The following SKAP1 variants were observed in gnomAD, a reference collection of about 807,000 sequenced individuals.
The protein encoded by SKAP1 is src kinase-associated phosphoprotein 1.
SKAP1 carries 44 observed loss-of-function variants against 58.5 expected under a neutral mutation model. The ratio of observed to expected loss-of-function variants is 0.75; its 90% CI spans 0.59 to 0.97. The LOEUF is 0.97. SKAP1 is among the 50% of genes least tolerant of loss of function. The pLI, the probability that SKAP1 is intolerant of heterozygous loss-of-function variation, is 0.00. For synonymous variants in SKAP1, 127 were observed against 149.7 expected, an observed-to-expected ratio of 0.85 and a Z score of 1.11; for missense variants, 390 against 435.2, an observed-to-expected ratio of 0.90 and a Z score of 0.92.
chr17:48,170,603 T>C lies in SKAP1; in HGVS notation c.877+6A>G, dbSNP rs193238967. On this transcript the variant is annotated splice_donor_region_variant and intron_variant, in intron 10 of 12. Transcript: ENST00000336915. ...CCAGTGCCTGTGCATTTAGAAGCTC[T>C]TATACCTCCTTTTCGTCGAGTGCCA... 2.5e-6 allele frequency: 4 copies of C among 1,612,982 alleles called. No homozygotes were observed. Among genetic ancestry groups the C allele is most frequent in the Non-Finnish European group, 3.4e-6 (4 of 1,178,990 alleles).
chr17:48,172,676 C>T (rs1378213075), intron 9 of SKAP1, among the ~76,000 whole-genome samples: 1 of 152,158 alleles, frequency 6.6e-6, no homozygotes, highest in Non-Finnish European at 1.5e-5. Context: ...ATGACATTTG[C>T]TTGTCTTGCT....
intron 2 of SKAP1, chr17:48,377,433 C>G (rs2067164159): frequency 6.6e-6 from 1 of 151,742 alleles, no homozygotes; most frequent in East Asian, 1.9e-4. Context: ...AAAAAATTAG[C>G]CATGTGTAGT....
At chr17:48,422,224 G>A (rs1194060573) in intron 1 of SKAP1, among the ~76,000 whole-genome samples, 1 of 151,912 alleles carries the variant, frequency 6.6e-6, no homozygotes, top group Non-Finnish European at 1.5e-5. Flanking sequence ...CAAACAAAAA[G>A]CCTCCCATAA....
chr17:48,302,217 T>G (rs1598537270), intron 4 of SKAP1, among the ~76,000 whole-genome samples: 1 of 152,196 alleles, frequency 6.6e-6, no homozygotes, highest in African/African-American at 2.4e-5. Context: ...AGAAAGTGCT[T>G]CAGGTGGCTG....
chr17:48,388,498 C>T (rs1180348913), intron 2 of SKAP1, among the ~76,000 whole-genome samples: 1 of 152,082 alleles, frequency 6.6e-6, no homozygotes, highest in Non-Finnish European at 1.5e-5. Context: ...TTCAACTTTG[C>T]ACAAAAGTTG....
At chr17:48,385,917 G>A (rs749365561) in intron 2 of SKAP1, among the ~76,000 whole-genome samples, 7 of 152,134 alleles carry the variant, frequency 4.6e-5, no homozygotes, top group Admixed American at 3.3e-4. Context: ...GGATGCTGCC[G>A]GCCAAATGTA....
At chr17:48,390,677 T>C (rs2067333253) in intron 2 of SKAP1, among the ~76,000 whole-genome samples, 1 of 152,212 alleles carries the variant, frequency 6.6e-6, no homozygotes, top group South Asian at 2.1e-4. Flanking sequence ...CCTGCCTGTG[T>C]TCTAGCTCAC....
chr17:48,435,617 C>A, the SKAP1 span, among the ~76,000 whole-genome samples: 1 of 152,190 alleles, frequency 6.6e-6, no homozygotes, highest in African/African-American at 2.4e-5. Flanking sequence ...TTTCTAAAGT[C>A]GACCTGGGTT....
chr17:48,283,249 A>G (rs2065790073), intron 4 of SKAP1, among the ~76,000 whole-genome samples: 1 of 152,230 alleles, frequency 6.6e-6, no homozygotes, highest in Non-Finnish European at 1.5e-5. Flanking sequence ...TATGATACAG[A>G]GCTGGAGAAA....
chr17:48,229,154 C>A (rs183902549), intron 4 of SKAP1, among the ~76,000 whole-genome samples: 3 of 152,154 alleles, frequency 2.0e-5, no homozygotes, highest in South Asian at 2.1e-4. Flanking sequence ...AAAAGACCTG[C>A]GGTTAAGTAT....
At chr17:48,248,524 G>A (rs1330981015) in intron 4 of SKAP1, among the ~76,000 whole-genome samples, 2 of 152,106 alleles carry the variant, frequency 1.3e-5, no homozygotes, top group African/African-American at 4.8e-5. Flanking sequence ...CAGAGATTGC[G>A]CCGCTGCACT....
intron 11 of SKAP1, among the ~76,000 whole-genome samples, chr17:48,151,115 A>G (rs1296193085): frequency 6.6e-6 from 1 of 152,178 alleles, no homozygotes; most frequent in Non-Finnish European, 1.5e-5. Flanking sequence ...AGCCTTTCTA[A>G]AAATGCAAGT....
chr17:48,308,444 C>CTTAG (rs1403949703), intron 4 of SKAP1: 1 of 152,144 alleles, frequency 6.6e-6, no homozygotes, highest in African/African-American at 2.4e-5. Context: ...GAAGACTTTG[C>CTTAG]AAAACTTTCT....
intron 10 of SKAP1, among the ~76,000 whole-genome samples, chr17:48,169,033 A>G (rs976379566): frequency 6.6e-6 from 1 of 152,190 alleles, no homozygotes; most frequent in Non-Finnish European, 1.5e-5. Flanking sequence ...GGAAGTGTAA[A>G]CCATAGAAAC....
chr17:48,282,987 T>C (rs1165597779), intron 4 of SKAP1, among the ~76,000 whole-genome samples: 5 of 152,162 alleles, frequency 3.3e-5, no homozygotes, highest in Non-Finnish European at 7.4e-5. Flanking sequence ...ATCTCTAAAA[T>C]AGTCACAAAC....
At chr17:48,296,600 G>A (rs1257668891) in intron 4 of SKAP1, among the ~76,000 whole-genome samples, 5 of 152,000 alleles carry the variant, frequency 3.3e-5, no homozygotes, top group Non-Finnish European at 7.4e-5. Context: ...TTCCTACTCA[G>A]TAGCATTTGA....
intron 11 of SKAP1, among the ~76,000 whole-genome samples, chr17:48,148,854 AAGGTT>A (rs1207912696): frequency 1.3e-5 from 2 of 152,306 alleles, no homozygotes; most frequent in East Asian, 3.9e-4. Flanking sequence ...CTGTTGCCTT[AAGGTT>A]ATTGAGGTTG....
intron 4 of SKAP1, among the ~76,000 whole-genome samples, chr17:48,214,615 C>CCT (rs1555604088): frequency 6.9e-6 from 1 of 144,670 alleles, no homozygotes; most frequent in Non-Finnish European, 1.5e-5. Flanking sequence ...TCTCCAGTTC[C>CCT]TTTTTTTTTT....
intron 4 of SKAP1, among the ~76,000 whole-genome samples, chr17:48,199,927 T>G (rs992332127): frequency 1.3e-4 from 20 of 152,106 alleles, no homozygotes; most frequent in African/African-American, 4.8e-4. Context: ...TTGGTGCATA[T>G]AGCCGTGCAC....
Sources: allele counts gnomAD v4.1 joint callset (sites outside exome capture counted in the v4.1 genomes callset), GRCh38; gene constraint gnomAD v4.1.1; transcripts MANE v1.5; gene names NCBI Gene and HGNC (gene_info 2026-07-23, HGNC 2026-07-21).